The following BRAP variants were observed in gnomAD, a reference collection of about 807,000 sequenced individuals.
The protein encoded by BRAP is BRCA1 associated protein.
Under a neutral mutation model 73.4 loss-of-function variants are expected in BRAP, and 42 were observed. The observed-to-expected ratio is 0.57, with a 90% CI of 0.45 to 0.74. The LOEUF (loss-of-function observed/expected upper bound fraction) is 0.74, where lower values mean the gene tolerates loss of function less well. Ranked by LOEUF, BRAP falls within the 30% of genes least tolerant of loss-of-function variation. The probability of loss-of-function intolerance (pLI) is 0.00; values close to 1 mark genes in which losing one functional copy is unlikely to be tolerated. For missense variants in BRAP, 593 were observed against 751.4 expected, an observed-to-expected ratio of 0.79 and a Z score of 2.46; for synonymous variants, 255 against 267.4, an observed-to-expected ratio of 0.95 and a Z score of 0.45.
At chr12:111,653,438 G>A (rs1390158969) in intron 10 of BRAP, among the ~76,000 whole-genome samples, 5 of 152,148 alleles carry the variant, frequency 3.3e-5, no homozygotes, top group African/African-American at 1.2e-4. Flanking sequence ...TATACTTTTA[G>A]AGGAGGTCAC....
intron 5 of BRAP, chr12:111,670,012 A>G: frequency 1.6e-6 from 1 of 643,400 alleles, no homozygotes; most frequent in South Asian, 1.5e-5. Flanking sequence ...TTGCTTCTGG[A>G]GATTTCCTCT....
intron 5 of BRAP, chr12:111,669,868 G>T: frequency 3.1e-6 from 2 of 635,068 alleles, no homozygotes; most frequent in South Asian, 3.9e-5. Flanking sequence ...CTTGGTCATT[G>T]ACATTTCCAA....
At chr12:111,661,040 T>G (rs1390514982) in intron 6 of BRAP, among the ~76,000 whole-genome samples, 1 of 151,220 alleles carries the variant, frequency 6.6e-6, no homozygotes, top group Non-Finnish European at 1.5e-5. Flanking sequence ...AGTGCAGTGG[T>G]GCGATCTCAA....
chr12:111,660,073 C>CAAAAA (rs1468009476), intron 7 of BRAP, among the ~76,000 whole-genome samples: 52 of 135,430 alleles, frequency 3.8e-4, no homozygotes, highest in African/African-American at 1.4e-3. Flanking sequence ...TACCCTGTCT[C>CAAAAA]AAAAAAAAAA....
At chr12:111,650,507 C>A (rs1319332975) in intron 10 of BRAP, among the ~76,000 whole-genome samples, 1 of 152,114 alleles carries the variant, frequency 6.6e-6, no homozygotes, top group Non-Finnish European at 1.5e-5. Flanking sequence ...CTCAGGTGAT[C>A]CACCTGCCTC....
chr12:111,655,802 A>G (rs74915864), intron 9 of BRAP, 147 bp from the exon 10 acceptor site: 3 of 644,754 alleles, frequency 4.7e-6, no homozygotes, highest in African/African-American at 3.6e-5. Flanking sequence ...ACTCTACTCA[A>G]TATATACTGG....
chr12:111,685,396 T>G lies in BRAP; in HGVS notation c.82+315A>C, dbSNP rs186986113. On this transcript the variant is annotated intron_variant, in intron 1 of 11. Coordinates refer to ENST00000419234, the MANE Select transcript of BRAP (RefSeq NM_006768.5). ...CCAGCGTTGCTGGGGACCCAGTCCCTGCCTTTACGAAGCCCATAGGGAAGC... is the reference window on the plus strand; with the variant it reads ...CCAGCGTTGCTGGGGACCCAGTCCCGGCCTTTACGAAGCCCATAGGGAAGC... Among the ~76,000 whole-genome samples the G allele has an allele frequency of 4.2e-4, 64 of 152,336 alleles. No homozygotes were observed. In the East Asian group the frequency reaches 0.011, roughly 26 times the overall value.
intron 1 of BRAP, among the ~76,000 whole-genome samples, chr12:111,685,120 C>G (rs892196887): frequency 1.3e-5 from 2 of 152,184 alleles, no homozygotes; most frequent in African/African-American, 4.8e-5. Context: ...CCCAGTTTCA[C>G]CCATTACAGA....
At chr12:111,658,636 TA>T (rs56801479) in intron 9 of BRAP, 99 bp downstream of exon 9, 5,208 of 876,516 alleles carry the variant, frequency 5.9e-3, no homozygotes, top group Middle Eastern at 8.5e-3. Context: ...GACCAAACTT[TA>T]AAAAAAAAAT....
At position 111,665,893 on chromosome 12, in the gene BRAP, A is replaced by T. The variant is rs1886921366; in HGVS notation, c.748-106T>A. The T allele has an allele frequency of 6.9e-7, 1 of 1,452,190 alleles. No homozygotes were observed. Among genetic ancestry groups the T allele is most frequent in the Non-Finnish European group, 9.4e-7 (1 of 1,068,604 alleles). 90.0% of individuals were successfully genotyped at this position (1,452,190 alleles called of 1,614,324 possible). ...TCTCGCTCTCTGTCACCCACGCTGGAGCCCAGTGGCGCAATCATGGCTCAT... is the reference window on the plus strand; with the variant it reads ...TCTCGCTCTCTGTCACCCACGCTGGTGCCCAGTGGCGCAATCATGGCTCAT... On this transcript the variant is annotated intron_variant, in intron 5 of 11. Coordinates refer to ENST00000419234, the MANE Select transcript of BRAP (RefSeq NM_006768.5). This position sits in a 1 kb window ranked among gnomAD's most constrained non-coding sequence, Gnocchi z 4.3.
At chr12:111,672,587 C>T in intron 5 of BRAP, 74 bp downstream of exon 5, 1 of 1,356,646 alleles carries the variant, frequency 7.4e-7, no homozygotes, top group South Asian at 1.3e-5. Flanking sequence ...CTGGGTATTT[C>T]ACAGATACCT....
Position 111,685,717 on chromosome 12 carries a change from C to A in BRAP, c.76G>T (p.Ala26Ser). ...GCGAGGCCGCGGGACTCACCCGCGGCGCTGAAGCCGAAGCCGGCGGGGACA... is the reference window on the plus strand; with the variant it reads ...GCGAGGCCGCGGGACTCACCCGCGGAGCTGAAGCCGAAGCCGGCGGGGACA... ...SPVPAGFGFSAAAGEMSDEEI... is the reference protein window; with the variant it reads ...SPVPAGFGFSSAAGEMSDEEI... The change falls in exon 1 of 12, where the codon GCC (alanine) becomes TCC (serine). Residue 26 changes from alanine (A) to serine (S), a missense_variant. Physicochemically the swap from Ala to Ser is moderately conservative, Grantham distance 99 (BLOSUM62 1). This residue lies in a region of BRAP where 304 missense variants were observed against 337.7 expected (regional missense o/e 0.90). Transcript: ENST00000419234. 1.2e-6 allele frequency: 2 copies of A among 1,605,048 alleles called. No individual in the cohort carries two copies. The highest frequency in any genetic ancestry group is 1.1e-5 in the South Asian group (1 of 90,184).
intron 4 of BRAP, among the ~76,000 whole-genome samples, chr12:111,675,118 G>A (rs1026259747): frequency 3.9e-5 from 6 of 151,974 alleles, no homozygotes; most frequent in South Asian, 2.1e-4. Flanking sequence ...AAAATTAGCC[G>A]GGCATGGGGG....
intron 5 of BRAP, among the ~76,000 whole-genome samples, chr12:111,669,485 C>T (rs1026459793): frequency 2.0e-5 from 3 of 152,052 alleles, no homozygotes; most frequent in African/African-American, 4.8e-5. Context: ...CTTCGCCTCC[C>T]GAAGTGCTGG....
Position 111,682,132 on chromosome 12 carries a change from A to G in BRAP, c.245-297T>C, listed in dbSNP as rs895671485. On this transcript the variant is annotated intron_variant, in intron 2 of 11. Coordinates refer to ENST00000419234, the MANE Select transcript of BRAP (RefSeq NM_006768.5). ...TCACGAAATCCTAACTGGGACAAAC[A>G]TTCAGGGCTACTAAGGTGGAAATCC... Among the ~76,000 whole-genome samples, 9 of 152,224 alleles carry G rather than the reference A, an allele frequency of 5.9e-5. 1 individual carries two copies. Among genetic ancestry groups the G allele is most frequent in the Admixed American group, 5.9e-4 (9 of 15,280 alleles).
intron 6 of BRAP, among the ~76,000 whole-genome samples, chr12:111,664,392 A>G (rs188858487): frequency 3.9e-5 from 6 of 152,288 alleles, no homozygotes; most frequent in Admixed American, 3.9e-4. Context: ...TAACTGGTAT[A>G]GCAGATGGAC....
intron 4 of BRAP, among the ~76,000 whole-genome samples, chr12:111,678,348 T>C (rs932022268): frequency 6.7e-6 from 1 of 149,646 alleles, no homozygotes; most frequent in Non-Finnish European, 1.5e-5. Flanking sequence ...TTTTCTGGAA[T>C]AGTTACCGCT....
chr12:111,658,364 G>A lies in BRAP; in HGVS notation c.1221+372C>T, dbSNP rs547493106. Among the ~76,000 whole-genome samples, 9 of 150,302 alleles carry A rather than the reference G, an allele frequency of 6.0e-5. 1 individual carries two copies. The highest frequency in any genetic ancestry group is 1.2e-4 in the African/African-American group (5 of 40,826). On this transcript the variant is annotated intron_variant, in intron 9 of 11. Coordinates refer to ENST00000419234, the MANE Select transcript of BRAP (RefSeq NM_006768.5). ...TGCCCAAGCTGGAGTGCAATGACCC[G>A]ATCTCGGCTCACTGCAACCTCTGCT...
chr12:111,654,768 T>C (rs1397986842), intron 10 of BRAP, among the ~76,000 whole-genome samples: 1 of 152,176 alleles, frequency 6.6e-6, no homozygotes, highest in African/African-American at 2.4e-5. Flanking sequence ...GTACTGCCTA[T>C]CTGAAGGCCC....
Sources: gnomAD v4.1 joint callset for allele counts (sites outside exome capture counted in the v4.1 genomes callset) on GRCh38, gnomAD v4.1.1 for gene constraint, gnomAD v4.1.1 regional missense constraint, Gnocchi (gnomAD v3.1) non-coding constraint, MANE v1.5 for transcripts, NCBI Gene and HGNC (gene_info 2026-07-23, HGNC 2026-07-21) for gene names.